Variants in DNM1L observed in about 807,000 individuals in gnomAD.
The protein encoded by DNM1L is dynamin-1-like protein.
In DNM1L, 33 loss-of-function variants were observed where a neutral mutation model predicts 92.8. That is an observed-to-expected ratio of 0.36 (90% CI 0.27 to 0.48). The LOEUF is 0.48. Among genes scored for constraint, DNM1L ranks in the 20% least tolerant of loss-of-function variants. The pLI, the probability that DNM1L is intolerant of heterozygous loss-of-function variation, is 0.99. For synonymous variants in DNM1L, 284 were observed against 305.0 expected, an observed-to-expected ratio of 0.93 and a Z score of 0.72; for missense variants, 485 against 888.8, an observed-to-expected ratio of 0.55 and a Z score of 5.78.
chr12:32,726,300 C>G, intron 9 of DNM1L: 1 of 1,227,850 alleles, frequency 8.1e-7, no homozygotes, highest in Non-Finnish European at 1.2e-6. Flanking sequence ...CAAGAAAATA[C>G]AAAAACATAA....
intron 9 of DNM1L, among the ~76,000 whole-genome samples, chr12:32,724,505 G>A (rs1315877625): frequency 6.7e-6 from 1 of 148,966 alleles, no homozygotes; most frequent in African/African-American, 2.5e-5. Context: ...GAACCCAGGT[G>A]GTGGAGGTTG....
chr12:32,721,188 G>T (rs1048996964), intron 8 of DNM1L, among the ~76,000 whole-genome samples: 3 of 152,180 alleles, frequency 2.0e-5, no homozygotes, highest in African/African-American at 7.2e-5. Flanking sequence ...GAAAAACAAA[G>T]AAATAGAATG....
chr12:32,718,083 ATTTT>A (rs1953621170), intron 6 of DNM1L, among the ~76,000 whole-genome samples: 2 of 133,970 alleles, frequency 1.5e-5, no homozygotes, highest in African/African-American at 5.8e-5. Context: ...TACTATACAT[ATTTT>A]ATATATATAC....
At chr12:32,710,787 A>C in intron 4 of DNM1L, 142 bp from the exon 5 acceptor site, 1 of 657,468 alleles carries the variant, frequency 1.5e-6, no homozygotes, top group Non-Finnish European at 2.5e-6. Context: ...CATGTGTTTC[A>C]TCAGGTTTTG....
Position 32,744,201 on chromosome 12 carries a change from AATG to A in DNM1L, c.*796_*798del, listed in dbSNP as rs746364699. The A allele has an allele frequency of 1.3e-5, 2 of 152,300 alleles. No homozygotes were observed. The highest frequency in any genetic ancestry group is 2.9e-5 in the Non-Finnish European group (2 of 68,080). 9.4% of individuals were successfully genotyped at this position (152,300 alleles called of 1,614,324 possible). On this transcript the variant is annotated 3_prime_UTR_variant, in exon 20 of 20. Transcript: ENST00000549701. Reference sequence around the variant, plus strand: ...GTTCCTTTTAGATTTCAGAAAATCAAATGATGACCTAAATTTCCCTTAATTTGC... The same window carrying A: ...GTTCCTTTTAGATTTCAGAAAATCAAATGACCTAAATTTCCCTTAATTTGC...
Position 32,679,435 on chromosome 12 carries a change from G to T in DNM1L, c.72G>T (p.Gln24His). Residue 24 changes from glutamine (Q) to histidine (H), a missense_variant, in exon 1 of 20, where the codon CAG becomes CAT. Transcript: ENST00000549701. ...VFNTVGADIIQLPQIVVVGTQ... is the reference protein window; with the variant it reads ...VFNTVGADIIHLPQIVVVGTQ... The stretch of plus-strand genomic sequence containing the variant: ...ACACGGTGGGCGCCGACATCATCCA[G>T]CTGCCTCAAATCGTCGTAGTGGGAA... 1 of 1,613,334 alleles carries T rather than the reference G, an allele frequency of 6.2e-7. No individual in the cohort carries two copies. The highest frequency in any genetic ancestry group is 8.5e-7 in the Non-Finnish European group (1 of 1,179,882).
At chr12:32,739,896 G>A in intron 16 of DNM1L, 168 bp from the exon 17 acceptor site, 1 of 788,650 alleles carries the variant, frequency 1.3e-6, no homozygotes, top group Non-Finnish European at 2.1e-6. Flanking sequence ...ATAGGTCAGG[G>A]TTCCAGTTAT....
At chr12:32,727,244 CTTCCT>C (rs1289191451) in intron 9 of DNM1L, 13 of 1,451,304 alleles carry the variant, frequency 9.0e-6, no homozygotes, top group Admixed American at 1.7e-5. Context: ...GAACAGCATA[CTTCCT>C]TTCAAGATCG....
At position 32,731,178 on chromosome 12, in the gene DNM1L, A is replaced by T; in HGVS notation, c.1200+44A>T. 1 of 1,613,100 alleles carries T rather than the reference A, an allele frequency of 6.2e-7. No individual in the cohort carries two copies. On this transcript the variant is annotated intron_variant, in intron 10 of 19. Transcript: ENST00000549701. This position sits in a 1 kb window ranked among gnomAD's most constrained non-coding sequence, Gnocchi z 5.1. ...TTAGACTGTAAAAAAAAATGAGGTT[A>T]AAGTTTTTCTTACCCATATACTGTG...
chr12:32,731,237 T>C lies in DNM1L; in HGVS notation c.1200+103T>C. 3.8e-6 allele frequency: 6 copies of C among 1,590,462 alleles called. No homozygotes were observed. The South Asian group carries it at 6.8e-5, about 18-fold the overall frequency. On this transcript the variant is annotated intron_variant, in intron 10 of 19. Transcript: ENST00000549701. The surrounding 1 kb of genome is among the most constrained non-coding windows in gnomAD (Gnocchi z 5.1). ...AATTTAATTATACAGTTTATTTTGC[T>C]CTCATATTTGAAATTAAAAAGCATT...
chr12:32,730,073 A>C (rs1489408998), intron 9 of DNM1L, among the ~76,000 whole-genome samples: 5 of 152,178 alleles, frequency 3.3e-5, no homozygotes, highest in Admixed American at 2.0e-4. Flanking sequence ...CAAGAGATTT[A>C]ATTTGTCTAA....
At chr12:32,683,383 A>AT (rs550657558) in intron 1 of DNM1L, among the ~76,000 whole-genome samples, 2,208 of 145,506 alleles carry the variant, frequency 0.015, 51 homozygotes, top group African/African-American at 0.044. Flanking sequence ...CATCTGGCTA[A>AT]TTTTTTTTTT....
At chr12:32,703,720 G>T (rs1203509446) in intron 2 of DNM1L, among the ~76,000 whole-genome samples, 1 of 151,834 alleles carries the variant, frequency 6.6e-6, no homozygotes, top group Non-Finnish European at 1.5e-5. Flanking sequence ...ACCAATAGTA[G>T]ATTCAGAGTA....
chr12:32,730,846 G>A (rs1266536950), intron 9 of DNM1L, among the ~76,000 whole-genome samples, 168 bp from the exon 10 acceptor site: 1 of 152,046 alleles, frequency 6.6e-6, no homozygotes, highest in African/African-American at 2.4e-5. Context: ...AGAGAAACTA[G>A]TTCATAATGA....
intron 1 of DNM1L, among the ~76,000 whole-genome samples, chr12:32,688,127 G>A (rs540411282): frequency 1.3e-5 from 2 of 152,132 alleles, no homozygotes; most frequent in African/African-American, 4.8e-5. Context: ...GTTTCACCAC[G>A]TTGGCAAGAT....
At chr12:32,698,834 A>C (rs1163714962) in intron 1 of DNM1L, among the ~76,000 whole-genome samples, 1 of 151,964 alleles carries the variant, frequency 6.6e-6, no homozygotes, top group African/African-American at 2.4e-5. Context: ...TAGTAATTGG[A>C]TATTGGTATT....
intron 9 of DNM1L, chr12:32,726,924 A>G (rs1195100334): frequency 2.9e-6 from 2 of 701,318 alleles, no homozygotes; most frequent in Non-Finnish European, 5.2e-6. Context: ...TTCTAAGACA[A>G]AACTCATAGG....
chr12:32,697,701 AG>A (rs563664444), intron 1 of DNM1L, among the ~76,000 whole-genome samples: 1 of 151,498 alleles, frequency 6.6e-6, no homozygotes, highest in South Asian at 2.1e-4. Flanking sequence ...TAGCTGAAAT[AG>A]AGAAAAAAGC....
At position 32,696,373 on chromosome 12, in the gene DNM1L, CACACACACAA is replaced by C. The variant is rs1206663818; in HGVS notation, c.103-5032_103-5023del. On this transcript the variant is annotated intron_variant, in intron 1 of 19. Coordinates refer to ENST00000549701, the MANE Select transcript of DNM1L (RefSeq NM_012062.5). ...GCAATATAGTGAGACCCTGTCTACA[CACACACACAA>C]ACACACACACACACACACACACACA... Among the ~76,000 whole-genome samples the C allele has an allele frequency of 7.1e-5, 8 of 112,250 alleles. No homozygotes were observed. The South Asian group carries it at 2.4e-3, about 34-fold the overall frequency. The allele number at this position is 112,250 out of a possible 152,430, so 73.6% of individuals were successfully genotyped here.
Sources: allele counts gnomAD v4.1 joint callset (sites outside exome capture counted in the v4.1 genomes callset), GRCh38; gene constraint gnomAD v4.1.1; non-coding constraint Gnocchi (gnomAD v3.1); transcripts MANE v1.5; gene names NCBI Gene and HGNC (gene_info 2026-07-23, HGNC 2026-07-21).